The following RBFOX1 variants were observed in gnomAD, a reference collection of about 807,000 sequenced individuals.
The protein encoded by RBFOX1 is RNA binding protein fox-1 homolog 1.
A neutral mutation model predicts 57.7 loss-of-function variants in RBFOX1; 8 were observed. The observed-to-expected ratio is 0.14, with a 90% CI of 0.08 to 0.25. The LOEUF (loss-of-function observed/expected upper bound fraction) is 0.25, where lower values mean the gene tolerates loss of function less well. Among genes scored for constraint, RBFOX1 ranks in the 10% least tolerant of loss-of-function variants. The pLI is 1.00. For synonymous variants in RBFOX1, 326 were observed against 222.4 expected (o/e 1.47, Z -4.15); for missense variants, 611 against 548.5 (o/e 1.11, Z -1.14).
chr16:7,581,682 C>T (rs1484625928), intron 6 of RBFOX1, among the ~76,000 whole-genome samples: 4 of 152,126 alleles, frequency 2.6e-5, no homozygotes, highest in Middle Eastern at 3.4e-3. Flanking sequence ...ATTGTACTAC[C>T]GGTCATCAGA....
chr16:6,748,880 C>T (rs898846819), intron 3 of RBFOX1: 1 of 152,062 alleles, frequency 6.6e-6, no homozygotes, highest in Admixed American at 6.6e-5. Context: ...AGGTCTTTGT[C>T]TAAGGAAGAA....
chr16:5,364,287 G>T (rs1299077139), intron 1 of RBFOX1, among the ~76,000 whole-genome samples: 2 of 152,178 alleles, frequency 1.3e-5, no homozygotes, highest in Non-Finnish European at 2.9e-5. Context: ...GTCCCCCAGG[G>T]GTGCACAGAA....
intron 1 of RBFOX1, among the ~76,000 whole-genome samples, chr16:6,122,039 G>A (rs2096554010): frequency 6.6e-6 from 1 of 152,148 alleles, no homozygotes; most frequent in South Asian, 2.1e-4. Flanking sequence ...CTGCGTAGCT[G>A]GGACTACAGG....
intron 3 of RBFOX1, among the ~76,000 whole-genome samples, chr16:7,000,596 C>CTTTCTTTTT (rs2092697254): frequency 1.1e-5 from 1 of 92,594 alleles, no homozygotes; most frequent in African/African-American, 4.2e-5. Flanking sequence ...CTTTTTCTTT[C>CTTTCTTTTT]TTTTTTTTTT....
At chr16:7,194,529 C>T (rs575676889) in intron 4 of RBFOX1, among the ~76,000 whole-genome samples, 28 of 152,072 alleles carry the variant, frequency 1.8e-4, no homozygotes, top group African/African-American at 6.5e-4. Flanking sequence ...ATTTAAATTA[C>T]CAAACAGATA....
At chr16:7,567,386 TGG>T (rs2092054443) in intron 5 of RBFOX1, among the ~76,000 whole-genome samples, 1 of 141,848 alleles carries the variant, frequency 7.0e-6, no homozygotes, top group African/African-American at 2.6e-5. Flanking sequence ...TCCCTATGTA[TGG>T]CCCTATATAT....
chr16:6,012,820 C>G (rs1297611584), intron 4 of RBFOX1, among the ~76,000 whole-genome samples: 3 of 152,108 alleles, frequency 2.0e-5, no homozygotes, highest in Admixed American at 2.0e-4. Context: ...AGGTCAAAAT[C>G]CCATGAGAAA....
At chr16:5,903,284 C>T (rs1359201071) in intron 4 of RBFOX1, among the ~76,000 whole-genome samples, 2 of 152,204 alleles carry the variant, frequency 1.3e-5, no homozygotes, top group Non-Finnish European at 2.9e-5. Context: ...ACCACTGCTT[C>T]GTCATCCTCC....
intron 3 of RBFOX1, among the ~76,000 whole-genome samples, chr16:5,754,271 G>A (rs1567495224): frequency 6.6e-6 from 1 of 152,144 alleles, no homozygotes; most frequent in Admixed American, 6.5e-5. Context: ...GTCTTGGGAG[G>A]ATTAATTGTG....
chr16:7,283,547 G>T (rs1185064988), intron 4 of RBFOX1, among the ~76,000 whole-genome samples: 2 of 152,008 alleles, frequency 1.3e-5, no homozygotes, highest in African/African-American at 4.8e-5. Flanking sequence ...GTGTTGGCCA[G>T]GGAAACACCC....
At chr16:6,960,382 A>C (rs943580836) in intron 3 of RBFOX1, among the ~76,000 whole-genome samples, 2 of 152,108 alleles carry the variant, frequency 1.3e-5, no homozygotes, top group East Asian at 3.9e-4. Flanking sequence ...AAAACTTTCT[A>C]ATTTTAAGTT....
At chr16:5,656,676 G>C (rs1183358133) in intron 3 of RBFOX1, among the ~76,000 whole-genome samples, 1 of 152,128 alleles carries the variant, frequency 6.6e-6, no homozygotes, top group African/African-American at 2.4e-5. Context: ...CCATACCCAA[G>C]GATTCTTAGA....
chr16:7,476,179 C>G (rs1038110225), intron 4 of RBFOX1, among the ~76,000 whole-genome samples: 9 of 151,964 alleles, frequency 5.9e-5, no homozygotes, highest in African/African-American at 1.9e-4. Context: ...TGCCATGTTG[C>G]CCAGGCTGGT....
chr16:7,198,592 C>T (rs1353733684), intron 4 of RBFOX1, among the ~76,000 whole-genome samples: 4 of 152,112 alleles, frequency 2.6e-5, no homozygotes. Context: ...GCTGGAAAGT[C>T]CAAGAGCATG....
chr16:7,685,724 T>C (rs1345608787), intron 14 of RBFOX1, among the ~76,000 whole-genome samples: 1 of 152,112 alleles, frequency 6.6e-6, no homozygotes, highest in Non-Finnish European at 1.5e-5. Context: ...AATGTAAGGT[T>C]ATTTTTAGTC....
chr16:6,558,713 G>C (rs538222689), intron 2 of RBFOX1, among the ~76,000 whole-genome samples: 2 of 151,924 alleles, frequency 1.3e-5, no homozygotes, highest in African/African-American at 4.8e-5. Flanking sequence ...CCCTCCGTCC[G>C]TCCCACTCTC....
intron 2 of RBFOX1, among the ~76,000 whole-genome samples, chr16:6,651,171 G>A (rs1324606376): frequency 6.6e-6 from 1 of 152,140 alleles, no homozygotes; most frequent in Non-Finnish European, 1.5e-5. Flanking sequence ...CAGAGTGCTG[G>A]GATTGCAGGC....
At chr16:5,775,848 C>T (rs1297976515) in intron 3 of RBFOX1, among the ~76,000 whole-genome samples, 1 of 152,168 alleles carries the variant, frequency 6.6e-6, no homozygotes, top group Non-Finnish European at 1.5e-5. Context: ...TGCAGGCGTC[C>T]ATGGGAGAAA....
intron 3 of RBFOX1, among the ~76,000 whole-genome samples, chr16:6,662,582 G>A (rs1048925880): frequency 6.6e-6 from 1 of 151,916 alleles, no homozygotes; most frequent in Non-Finnish European, 1.5e-5. Context: ...CACGTAGTAG[G>A]GAAGTTATTT....
Sources: gnomAD v4.1 joint callset for allele counts (sites outside exome capture counted in the v4.1 genomes callset) on GRCh38, gnomAD v4.1.1 for gene constraint, MANE v1.5 for transcripts, NCBI Gene and HGNC (gene_info 2026-07-23, HGNC 2026-07-21) for gene names.